Variants in DARS1 observed in about 807,000 individuals in gnomAD.
The protein encoded by DARS1 is aspartate--tRNA ligase, cytoplasmic.
In DARS1, 51 loss-of-function variants were observed where a neutral mutation model predicts 68.8. That is an observed-to-expected ratio of 0.74 (90% CI 0.59 to 0.94). The LOEUF is 0.94. Among genes scored for constraint, DARS1 ranks in the 40% least tolerant of loss-of-function variants. DARS1 has a pLI of 0.00. For synonymous variants in DARS1, 203 were observed against 190.4 expected, an observed-to-expected ratio of 1.07 and a Z score of -0.55; for missense variants, 607 against 597.3, an observed-to-expected ratio of 1.02 and a Z score of -0.17.
intron 9 of DARS1, among the ~76,000 whole-genome samples, 158 bp downstream of exon 9, chr2:135,922,626 A>G (rs1311755618): frequency 1.3e-5 from 2 of 152,230 alleles, no homozygotes; most frequent in African/African-American, 4.8e-5. Flanking sequence ...CTACCCAAAT[A>G]TATTATCTCT....
intron 6 of DARS1, among the ~76,000 whole-genome samples, chr2:135,933,545 G>GT (rs2104810658): frequency 6.6e-6 from 1 of 152,174 alleles, no homozygotes; most frequent in Non-Finnish European, 1.5e-5. Flanking sequence ...TTGGACAACT[G>GT]TAATTTTTTC....
At chr2:135,946,182 A>C (rs1275662107) in intron 4 of DARS1, among the ~76,000 whole-genome samples, 1 of 152,244 alleles carries the variant, frequency 6.6e-6, no homozygotes, top group Non-Finnish European at 1.5e-5. Flanking sequence ...TAGAAGAATA[A>C]AATTCTACTG....
intron 9 of DARS1, among the ~76,000 whole-genome samples, chr2:135,921,859 A>G (rs1264110796): frequency 6.6e-6 from 1 of 152,202 alleles, no homozygotes; most frequent in African/African-American, 2.4e-5. Flanking sequence ...CATGGTACCT[A>G]GCACAAGGTT....
intron 5 of DARS1, among the ~76,000 whole-genome samples, chr2:135,939,664 A>G (rs1472269722): frequency 1.3e-5 from 2 of 152,262 alleles, no homozygotes; most frequent in Non-Finnish European, 2.9e-5. Flanking sequence ...AGATCAGAGC[A>G]GAATTGAAGG....
intron 4 of DARS1, among the ~76,000 whole-genome samples, chr2:135,945,456 G>A (rs759052485): frequency 2.6e-4 from 40 of 152,042 alleles, no homozygotes; most frequent in African/African-American, 9.7e-4. Context: ...AGGACTGAGC[G>A]TCATGCTAGT....
At chr2:135,956,801 T>C (rs925838232) in intron 4 of DARS1, among the ~76,000 whole-genome samples, 1 of 152,206 alleles carries the variant, frequency 6.6e-6, no homozygotes, top group Non-Finnish European at 1.5e-5. Flanking sequence ...TCCTACTCTG[T>C]CGCCCAGTCT....
chr2:135,928,509 T>C (rs1681273398), intron 7 of DARS1, among the ~76,000 whole-genome samples: 1 of 151,786 alleles, frequency 6.6e-6, no homozygotes. Context: ...CAAGCCTGGC[T>C]AATTTTTTTT....
intron 7 of DARS1, among the ~76,000 whole-genome samples, chr2:135,932,000 G>A (rs764653119): frequency 1.2e-4 from 19 of 152,044 alleles, no homozygotes; most frequent in Non-Finnish European, 2.8e-4. Flanking sequence ...GAGGTTTCTA[G>A]GTAGTATCAA....
chr2:135,926,022 C>T (rs1315110296), intron 7 of DARS1, among the ~76,000 whole-genome samples: 3 of 152,166 alleles, frequency 2.0e-5, no homozygotes, highest in Non-Finnish European at 4.4e-5. Flanking sequence ...TCCTGAGTAG[C>T]TAGGATTATA....
rs567328408 is a variant in DARS1 at position 135,954,408 on chromosome 2, T to C, written c.320+6988A>G. Among the ~76,000 whole-genome samples the C allele has an allele frequency of 3.2e-4, 49 of 151,510 alleles. No individual in the cohort carries two copies. The South Asian group carries it at 3.3e-3, about 10-fold the overall frequency. ...AACAAAAAAAGACAAAAACAGTATTTACACCTCATGGGGCTGTTGTGTGGA... is the reference window on the plus strand; with the variant it reads ...AACAAAAAAAGACAAAAACAGTATTCACACCTCATGGGGCTGTTGTGTGGA... On this transcript the variant is annotated intron_variant, in intron 4 of 15. Coordinates refer to ENST00000264161, the MANE Select transcript of DARS1 (RefSeq NM_001349.4).
chr2:135,931,275 TGCCCAGACTGGAGTGCAGTG>T (rs1398793175), intron 7 of DARS1, among the ~76,000 whole-genome samples: 105 of 152,340 alleles, frequency 6.9e-4, no homozygotes, highest in African/African-American at 2.5e-3. Flanking sequence ...CTTGCTCTGT[TGCCCAGACTGGAGTGCAGTG>T]GTACAAACAT....
At chr2:135,976,724 CT>C (rs1365760943) in intron 3 of DARS1, among the ~76,000 whole-genome samples, 1 of 150,152 alleles carries the variant, frequency 6.7e-6, no homozygotes, top group Non-Finnish European at 1.5e-5. Context: ...AAAAAACATG[CT>C]CATTGGAGCA....
At chr2:135,948,852 A>G (rs1381556416) in intron 4 of DARS1, among the ~76,000 whole-genome samples, 1 of 151,330 alleles carries the variant, frequency 6.6e-6, no homozygotes, top group Non-Finnish European at 1.5e-5. Flanking sequence ...CCTAGGTGAC[A>G]AAGCGAGACT....
intron 4 of DARS1, among the ~76,000 whole-genome samples, chr2:135,949,078 AAAAAT>A (rs1681786618): frequency 1.3e-5 from 2 of 152,218 alleles, no homozygotes; most frequent in East Asian, 1.9e-4. Context: ...TAATATAAAG[AAAAAT>A]AAAATAAAAT....
chr2:135,932,733 C>T, intron 7 of DARS1, 50 bp downstream of exon 7: 1 of 854,320 alleles, frequency 1.2e-6, no homozygotes, highest in Admixed American at 2.0e-5. Context: ...TATCCCTGCC[C>T]CTCTCTAATG....
At chr2:135,922,027 C>T (rs1194264161) in intron 9 of DARS1, among the ~76,000 whole-genome samples, 3 of 152,070 alleles carry the variant, frequency 2.0e-5, no homozygotes, top group Admixed American at 6.5e-5. Context: ...AATAAAGTAA[C>T]GCTGGCTTTT....
At chr2:135,938,810 A>G (rs1681530095) in intron 5 of DARS1, among the ~76,000 whole-genome samples, 1 of 152,114 alleles carries the variant, frequency 6.6e-6, no homozygotes, top group Non-Finnish European at 1.5e-5. Context: ...AAAGGGATGG[A>G]GGAAGATCTA....
intron 4 of DARS1, among the ~76,000 whole-genome samples, chr2:135,947,742 AT>A (rs1681756947): frequency 6.6e-6 from 1 of 152,008 alleles, no homozygotes; most frequent in Admixed American, 6.6e-5. Flanking sequence ...ATATCTCAGA[AT>A]GCATCATCAG....
intron 3 of DARS1, among the ~76,000 whole-genome samples, chr2:135,970,796 C>G (rs1274201713): frequency 1.3e-5 from 2 of 151,832 alleles, no homozygotes; most frequent in African/African-American, 4.8e-5. Flanking sequence ...CATAGAAATT[C>G]AAAAGATTAG....
Sources: allele counts gnomAD v4.1 joint callset (sites outside exome capture counted in the v4.1 genomes callset), GRCh38; gene constraint gnomAD v4.1.1; transcripts MANE v1.5; gene names NCBI Gene and HGNC (gene_info 2026-07-23, HGNC 2026-07-21).